TARBP1: variants seen among roughly 807,000 people sequenced by gnomAD.
The protein encoded by TARBP1 is tRNA (guanosine(18)-2'-O)-methyltransferase TARBP1.
A neutral mutation model predicts 178.6 loss-of-function variants in TARBP1; 144 were observed. The ratio of observed to expected loss-of-function variants is 0.81; its 90% CI spans 0.70 to 0.93. The LOEUF (loss-of-function observed/expected upper bound fraction) is 0.93, where lower values mean the gene tolerates loss of function less well. Ranked by LOEUF, TARBP1 falls within the 40% of genes least tolerant of loss-of-function variation. The pLI is 0.00. For missense variants in TARBP1, 2,067 were observed against 2,011.7 expected, an observed-to-expected ratio of 1.03 and a Z score of -0.53; for synonymous variants, 787 against 781.0, an observed-to-expected ratio of 1.01 and a Z score of -0.13.
rs978080686 is a variant in TARBP1 at position 234,467,613 on chromosome 1, A to C, written c.1137T>G (p.Ile379Met). 2 of 1,608,368 alleles carry C rather than the reference A, an allele frequency of 1.2e-6. No homozygotes were observed. Among genetic ancestry groups the C allele is most frequent in the Non-Finnish European group, 1.7e-6 (2 of 1,178,532 alleles). The part of the protein sequence containing the change: ...WLFHPSWHMC[I>M]YKRMFESENK... Reference sequence around the variant, plus strand: ...TTTCACTTTCAAACATTCTTTTATAAATACACATATGCCAGGATGGGTGAA... The same window carrying C: ...TTTCACTTTCAAACATTCTTTTATACATACACATATGCCAGGATGGGTGAA... Residue 379 changes from isoleucine to methionine, a missense_variant, in exon 4 of 30, where the codon ATT (isoleucine) becomes ATG (methionine). Physicochemically the swap from Ile to Met is conservative, Grantham distance 10. Coordinates refer to ENST00000040877, the MANE Select transcript of TARBP1 (RefSeq NM_005646.4).
In TARBP1 at chr1:234,478,977, G is replaced by C. The variant is rs751256876; in HGVS notation, c.127C>G (p.Leu43Val). 1.4e-6 allele frequency: 2 copies of C among 1,480,268 alleles called. No homozygotes were observed. The highest frequency in any genetic ancestry group is 2.9e-5 in the African/African-American group (2 of 68,316). 91.7% of individuals were successfully genotyped at this position (1,480,268 alleles called of 1,614,324 possible). A position where few individuals can be genotyped will look rare whatever the true frequency, so the allele number is the denominator to read the frequency against. ...VETLRFLLQR[L>V]EDEEARGSGG... is the part of the protein sequence containing the mutation. ...CTGCCGCGCGCCTCCTCGTCCTCGA[G>C]CCGCTGCAGAAGGAAGCGCAGCGTC... The change falls in exon 1 of 30, where the codon CTC becomes GTC. Residue 43 changes from leucine (L) to valine (V), a missense_variant. By Grantham distance (32) the Leu-to-Val change is conservative. Coordinates refer to ENST00000040877, the MANE Select transcript of TARBP1 (RefSeq NM_005646.4).
intron 1 of TARBP1, among the ~76,000 whole-genome samples, chr1:234,476,662 A>T (rs1197706788): frequency 6.6e-6 from 1 of 152,240 alleles, no homozygotes; most frequent in South Asian, 2.1e-4. Flanking sequence ...TTTCCTACAT[A>T]GATCACCTGC....
intron 3 of TARBP1, among the ~76,000 whole-genome samples, chr1:234,468,650 CCTTCAACAT>C (rs1364580514): frequency 6.6e-6 from 1 of 152,086 alleles, no homozygotes; most frequent in Non-Finnish European, 1.5e-5. Flanking sequence ...TGCTTAAAAT[CCTTCAACAT>C]CTCCTCATTG....
In TARBP1 at chr1:234,451,766, A is replaced by AAAAAAAAAAAAAACAAAAAAAC. The variant is rs57636903; in HGVS notation, c.1723-1201_1723-1200insGTTTTTTTGTTTTTTTTTTTTT. Among the ~76,000 whole-genome samples, 29 of 17,170 alleles carry AAAAAAAAAAAAAACAAAAAAAC rather than the reference A, an allele frequency of 1.7e-3. 8 individuals are homozygous for AAAAAAAAAAAAAACAAAAAAAC. Among genetic ancestry groups the AAAAAAAAAAAAAACAAAAAAAC allele is most frequent in the East Asian group, 0.016 (2 of 124 alleles). 11.3% of individuals were successfully genotyped at this position (17,170 alleles called of 152,430 possible). A position where few individuals can be genotyped will look rare whatever the true frequency, so the allele number is the denominator to read the frequency against. On this transcript the variant is annotated intron_variant, in intron 9 of 29. Coordinates refer to ENST00000040877, the MANE Select transcript of TARBP1 (RefSeq NM_005646.4). ...TCCGTCTCAAAAAAAAAAAAAAAAA[A>AAAAAAAAAAAAAACAAAAAAAC]TGATGAATGACTGGATCATCGAAGT...
intron 21 of TARBP1, 41 bp from the exon 22 acceptor site, chr1:234,418,274 AT>A: frequency 6.7e-7 from 1 of 1,499,282 alleles, no homozygotes; most frequent in Non-Finnish European, 8.9e-7. Flanking sequence ...ACAGTTATTC[AT>A]TTTAATTTAA....
chr1:234,435,954 T>C (rs559001353), intron 13 of TARBP1, among the ~76,000 whole-genome samples: 1 of 152,334 alleles, frequency 6.6e-6, no homozygotes, highest in Non-Finnish European at 1.5e-5. Context: ...AGCACACTGC[T>C]GACAGGGGAA....
chr1:234,430,014 G>T, intron 15 of TARBP1, 73 bp downstream of exon 15: 2 of 1,379,332 alleles, frequency 1.4e-6, no homozygotes, highest in Non-Finnish European at 2.0e-6. Context: ...AACTTTATAA[G>T]CAATGTTGGG....
chr1:234,447,533 C>T (rs937647045), intron 11 of TARBP1, among the ~76,000 whole-genome samples: 2 of 151,628 alleles, frequency 1.3e-5, no homozygotes, highest in African/African-American at 4.8e-5. Flanking sequence ...TAGCTGGGAC[C>T]ACAGGTGTGA....
intron 12 of TARBP1, among the ~76,000 whole-genome samples, chr1:234,445,789 C>T (rs1666104351): frequency 7.0e-6 from 1 of 142,362 alleles, no homozygotes; most frequent in African/African-American, 2.6e-5. Flanking sequence ...TGTTTAATTA[C>T]TTTGCATCCT....
At chr1:234,476,026 T>TA (rs60474704) in intron 1 of TARBP1, among the ~76,000 whole-genome samples, 2,189 of 143,442 alleles carry the variant, frequency 0.015, 49 homozygotes, top group African/African-American at 0.051. Flanking sequence ...TAGTAAGACA[T>TA]AAAAAAAAGC....
chr1:234,467,260 G>A (rs1352229744), intron 4 of TARBP1, among the ~76,000 whole-genome samples: 1 of 152,098 alleles, frequency 6.6e-6, no homozygotes, highest in Non-Finnish European at 1.5e-5. Context: ...TTGACTTAAC[G>A]CTGTTCTGAA....
rs1460477613 is a variant in TARBP1 at position 234,391,612 on chromosome 1, G to A, written c.4831C>T (p.Gln1611Ter). 1 of 1,613,430 alleles carries A rather than the reference G, an allele frequency of 6.2e-7. No individual in the cohort carries two copies. The highest frequency in any genetic ancestry group is 8.5e-7 in the Non-Finnish European group (1 of 1,179,894). The change falls in exon 30 of 30, where the codon CAG becomes TAG. Residue 1611 changes from glutamine (Q) to a stop codon, truncating the protein, a stop_gained. Transcript: ENST00000040877. LOFTEE classifies it low-confidence loss of function (END_TRUNC). ...GALLIWEYTR[Q>*]QLLSHGDTKP is the part of the protein sequence containing the mutation. ...GTATCTCCGTGCGAGAGCAGCTGCT[G>A]CCTGGTGTACTCCCAGATCAGCAGG...
intron 29 of TARBP1, 37 bp downstream of exon 29, chr1:234,392,379 C>A (rs759104782): frequency 6.3e-7 from 1 of 1,596,862 alleles, no homozygotes; most frequent in Admixed American, 1.8e-5. Context: ...TAGTCTGGGG[C>A]TCAGAGAATA....
chr1:234,413,793 A>G (rs1454035281), intron 22 of TARBP1, among the ~76,000 whole-genome samples: 1 of 152,198 alleles, frequency 6.6e-6, no homozygotes, highest in Non-Finnish European at 1.5e-5. Context: ...CCAGTGAGGG[A>G]ACCACTGCAA....
At chr1:234,471,918 C>T (rs1669100481) in intron 2 of TARBP1, among the ~76,000 whole-genome samples, 1 of 152,300 alleles carries the variant, frequency 6.6e-6, no homozygotes, top group South Asian at 2.1e-4. Flanking sequence ...TGGATTGACA[C>T]CTCACAATGA....
intron 4 of TARBP1, 48 bp downstream of exon 4, chr1:234,467,454 T>A (rs1668563101): frequency 6.8e-7 from 1 of 1,464,102 alleles, no homozygotes; most frequent in Non-Finnish European, 9.0e-7. Flanking sequence ...TATTTTTACC[T>A]CTCGCCTTTC....
At chr1:234,440,487 A>ACG (rs1396711016) in intron 12 of TARBP1, among the ~76,000 whole-genome samples, 1 of 152,082 alleles carries the variant, frequency 6.6e-6, no homozygotes, top group South Asian at 2.1e-4. Flanking sequence ...ATGAGTAAGC[A>ACG]CGCACACACA....
At chr1:234,471,325 T>A in intron 2 of TARBP1, 68 bp from the exon 3 acceptor site, 2 of 1,005,206 alleles carry the variant, frequency 2.0e-6, no homozygotes, top group South Asian at 2.9e-5. Flanking sequence ...GCAATTTTCA[T>A]CTCTTTATTT....
chr1:234,428,210 C>T (rs946061759), intron 17 of TARBP1, among the ~76,000 whole-genome samples: 1 of 152,162 alleles, frequency 6.6e-6, no homozygotes, highest in African/African-American at 2.4e-5. Context: ...CTCCCTGTTC[C>T]CCTGGGGATC....
Sources: gnomAD v4.1 joint callset for allele counts (sites outside exome capture counted in the v4.1 genomes callset) on GRCh38, gnomAD v4.1.1 for gene constraint, MANE v1.5 for transcripts, NCBI Gene and HGNC (gene_info 2026-07-23, HGNC 2026-07-21) for gene names.